Variants in SH2B2 observed in about 807,000 individuals in gnomAD.
SH2B2 encodes the protein SH2B adapter protein 2.
Under a neutral mutation model 35.7 loss-of-function variants are expected in SH2B2, and 37 were observed. The ratio of observed to expected loss-of-function variants is 1.04; its 90% confidence interval spans 0.80 to 1.36. SH2B2 has a LOEUF of 1.36. Ranked by LOEUF, SH2B2 falls within the 40% of genes most tolerant of loss-of-function variation. The probability of loss-of-function intolerance (pLI) is 0.00; values close to 1 mark genes in which losing one functional copy is unlikely to be tolerated. For missense variants in SH2B2, 852 were observed against 817.7 expected (o/e 1.04, Z -0.51); for synonymous variants, 383 against 376.4 (o/e 1.02, Z -0.20).
At chr7:102,312,227 C>T (rs1318913161) in intron 4 of SH2B2, among the ~76,000 whole-genome samples, 2 of 151,692 alleles carry the variant, frequency 1.3e-5, no homozygotes, top group East Asian at 3.9e-4. Flanking sequence ...CAAAAATTAG[C>T]TGGGCCTGGT....
chr7:102,310,634 G>T (rs183976545), intron 4 of SH2B2, among the ~76,000 whole-genome samples: 147 of 152,242 alleles, frequency 9.7e-4, no homozygotes, highest in African/African-American at 3.3e-3. Flanking sequence ...GCCAAGCCCC[G>T]GGGGGAAGGG....
In SH2B2 at chr7:102,297,528, C is replaced by T. The variant is rs1015119847; in HGVS notation, c.-29-2994C>T. ...CGAGAGGGAACTACCATATTTGATC[C>T]ACACTAGGAGGAGACCCCTCAAGTC... On this transcript the variant is annotated intron_variant, in intron 1 of 8. Transcript: ENST00000444095. This position sits in a 1 kb window ranked among gnomAD's most constrained non-coding sequence, Gnocchi z 4.3. Among the ~76,000 whole-genome samples, 5 of 151,940 alleles carry T rather than the reference C, an allele frequency of 3.3e-5. No homozygotes were observed. Among genetic ancestry groups the T allele is most frequent in the Admixed American group, 6.6e-5 (1 of 15,244 alleles).
chr7:102,314,738 C>T, intron 6 of SH2B2, 56 bp downstream of exon 6: 1 of 398,774 alleles, frequency 2.5e-6, no homozygotes, highest in Non-Finnish European at 4.4e-6. Context: ...CCCCCACCCC[C>T]AGCCATGGCC....
At chr7:102,301,506 A>T (rs2132957450) in intron 2 of SH2B2, among the ~76,000 whole-genome samples, 1 of 152,112 alleles carries the variant, frequency 6.6e-6, no homozygotes, top group African/African-American at 2.4e-5. Context: ...TGGCTACACC[A>T]AAGGGTTCTG....
At chr7:102,307,203 T>C (rs1554555064) in intron 3 of SH2B2, among the ~76,000 whole-genome samples, 2 of 151,976 alleles carry the variant, frequency 1.3e-5, no homozygotes, top group East Asian at 3.9e-4. Flanking sequence ...GGCACTGGAG[T>C]GTGGGAACTG....
chr7:102,297,891 G>A lies in SH2B2; in HGVS notation c.-29-2631G>A, dbSNP rs111910276. ...GTGAAAATAGGCAGAGTGCATGAAC[G>A]CATCAGAGGGAGTATTGTCATCAGA... On this transcript the variant is annotated intron_variant, in intron 1 of 8. Transcript: ENST00000444095. This position sits in a 1 kb window ranked among gnomAD's most constrained non-coding sequence, Gnocchi z 4.3. Among the ~76,000 whole-genome samples the A allele has an allele frequency of 7.2e-5, 11 of 152,272 alleles. No homozygotes were observed. Among genetic ancestry groups the A allele is most frequent in the Non-Finnish European group, 1.5e-4 (10 of 68,026 alleles).
In SH2B2 at chr7:102,301,331, G is replaced by A. The variant is rs1793183548; in HGVS notation, c.729+52G>A. On this transcript the variant is annotated intron_variant, in intron 2 of 8. Transcript: ENST00000444095. Reference sequence around the variant, plus strand: ...CCTGGGGGGACCAGAGGAGGCACCTGGGCAGCAGCTGAGGGTGCCAGGGAC... The same window carrying A: ...CCTGGGGGGACCAGAGGAGGCACCTAGGCAGCAGCTGAGGGTGCCAGGGAC... 3.2e-6 allele frequency: 5 copies of A among 1,542,054 alleles called. No homozygotes were observed. In the South Asian group the frequency reaches 3.6e-5, roughly 11 times the overall value.
Position 102,306,300 on chromosome 7 carries a change from G to C in SH2B2, c.730-421G>C, listed in dbSNP as rs547720291. On this transcript the variant is annotated intron_variant, in intron 2 of 8. Transcript: ENST00000444095. ...GATGGGGTTTCTCCATGTTGGTCAG[G>C]CTGGTCTCAAACTCCCGACTTCAGG... Among the ~76,000 whole-genome samples, 4 of 151,652 alleles carry C rather than the reference G, an allele frequency of 2.6e-5. No homozygotes were observed. In the Admixed American group the frequency reaches 2.7e-4, roughly 10 times the overall value.
intron 6 of SH2B2, chr7:102,316,965 G>A: frequency 2.2e-6 from 1 of 448,640 alleles, no homozygotes; most frequent in Non-Finnish European, 4.0e-6. Flanking sequence ...GTTACAGTCA[G>A]CCACCGGGAT....
intron 6 of SH2B2, among the ~76,000 whole-genome samples, chr7:102,315,623 T>C (rs1165943961): frequency 8.6e-5 from 13 of 151,112 alleles, no homozygotes; most frequent in African/African-American, 3.2e-4. Flanking sequence ...GTGCCTGTAG[T>C]CCCAGCTACT....
At chr7:102,309,580 C>G (rs1323153614) in intron 4 of SH2B2, 1 of 274,848 alleles carries the variant, frequency 3.6e-6, no homozygotes, top group Admixed American at 4.9e-5. Context: ...AGGCTGGTCT[C>G]GAACTCCAGA....
intron 1 of SH2B2, among the ~76,000 whole-genome samples, chr7:102,294,207 T>C (rs1792813663): frequency 6.6e-6 from 1 of 152,158 alleles, no homozygotes; most frequent in Admixed American, 6.5e-5. Context: ...TTTGTATTTT[T>C]AGTAGAGACG....
In SH2B2 at chr7:102,321,341, G is replaced by A; in HGVS notation, c.1610G>A (p.Cys537Tyr). Residue 537 changes from cysteine to tyrosine, a missense_variant, in exon 9 of 9, where the codon TGC becomes TAC. By Grantham distance (194) the Cys-to-Tyr change is radical. Around this residue, in one of 3 missense-constraint regions of SH2B2, gnomAD observed 556 missense variants for 514.5 expected, o/e 1.08. Coordinates refer to ENST00000444095, the MANE Select transcript of SH2B2 (RefSeq NM_001359228.2). ...CCTGCCGCGCCCGCGTCCCCGGCCT[G>A]CTGGAGCGACTCGCCCGGCCAGCAC... is the stretch of plus-strand genomic sequence containing the variant. Reference protein sequence around the residue: ...TPPAAPASPACWSDSPGQHYF... With the variant: ...TPPAAPASPAYWSDSPGQHYF... 2 of 1,441,050 alleles carry A rather than the reference G, an allele frequency of 1.4e-6. No individual in the cohort carries two copies. The highest frequency in any genetic ancestry group is 1.8e-6 in the Non-Finnish European group (2 of 1,102,928). The allele number at this position is 1,441,050 out of a possible 1,614,324, so 89.3% of individuals were successfully genotyped here. A position where few individuals can be genotyped will look rare whatever the true frequency, so the allele number is the denominator to read the frequency against.
chr7:102,306,147 C>T (rs886193048), intron 2 of SH2B2, among the ~76,000 whole-genome samples: 6 of 151,882 alleles, frequency 4.0e-5, no homozygotes, highest in Non-Finnish European at 7.4e-5. Context: ...AGTGCAATGG[C>T]GCAATCTCAG....
intron 1 of SH2B2, among the ~76,000 whole-genome samples, chr7:102,298,867 C>A (rs1238726857): frequency 1.3e-5 from 2 of 151,136 alleles, no homozygotes; most frequent in Non-Finnish European, 2.9e-5. Flanking sequence ...AGCCAATGTG[C>A]CCGGCCAAGA....
At chr7:102,306,478 C>A (rs2097954) in intron 2 of SH2B2, among the ~76,000 whole-genome samples, 90,649 of 151,980 alleles carry the variant, frequency 0.6, 27,138 homozygotes, top group East Asian at 0.69. Flanking sequence ...CCTGCCTCGG[C>A]CTCCCAAAGT....
At chr7:102,290,235 A>AC (rs1394316394) in intron 1 of SH2B2, among the ~76,000 whole-genome samples, 3 of 54,460 alleles carry the variant, frequency 5.5e-5, no homozygotes, top group South Asian at 8.4e-4. Flanking sequence ...TTGGCTCCAT[A>AC]CCCCCCTTTT....
intron 1 of SH2B2, among the ~76,000 whole-genome samples, chr7:102,289,891 G>A (rs9692026): frequency 0.033 from 4,974 of 152,198 alleles, 287 homozygotes; most frequent in African/African-American, 0.11. Flanking sequence ...ACCAGGGCCA[G>A]TGCAGCTGGA....
chr7:102,310,482 G>A (rs1162997732), intron 4 of SH2B2, among the ~76,000 whole-genome samples: 1 of 152,116 alleles, frequency 6.6e-6, no homozygotes, highest in Non-Finnish European at 1.5e-5. Flanking sequence ...TAGGCAGAGG[G>A]CAGTTACGGT....
Sources: allele counts gnomAD v4.1 joint callset (sites outside exome capture counted in the v4.1 genomes callset), GRCh38; gene constraint gnomAD v4.1.1; regional missense constraint gnomAD v4.1.1; non-coding constraint Gnocchi (gnomAD v3.1); transcripts MANE v1.5; gene names NCBI Gene and HGNC (gene_info 2026-07-23, HGNC 2026-07-21).